Variants in LMO1 observed in about 807,000 individuals in gnomAD.
LMO1 encodes LIM domain only 1, also known as rhombotin-1.
LMO1 carries 10 observed loss-of-function variants against 18.0 expected under a neutral mutation model. That is an observed-to-expected ratio of 0.55 (90% CI 0.34 to 0.94). The LOEUF is 0.94. Among genes scored for constraint, LMO1 ranks in the 40% least tolerant of loss-of-function variants. The pLI, the probability that LMO1 is intolerant of heterozygous loss-of-function variation, is 0.02. For synonymous variants in LMO1, 77 were observed against 77.9 expected, an observed-to-expected ratio of 0.99 and a Z score of 0.06; for missense variants, 183 against 205.7, an observed-to-expected ratio of 0.89 and a Z score of 0.68.
At chr11:8,248,814 G>A (rs1044076541) in intron 1 of LMO1, among the ~76,000 whole-genome samples, 4 of 152,198 alleles carry the variant, frequency 2.6e-5, no homozygotes, top group African/African-American at 9.7e-5. Context: ...GTCTAGACTT[G>A]CTGCCTCCCA....
chr11:8,240,552 C>T (rs948061465), intron 1 of LMO1, among the ~76,000 whole-genome samples: 17 of 152,154 alleles, frequency 1.1e-4, no homozygotes, highest in Admixed American at 8.5e-4. Flanking sequence ...CTGGGAAATC[C>T]GAGAGCAAGG....
chr11:8,240,056 G>A (rs1054767802), intron 1 of LMO1, among the ~76,000 whole-genome samples: 10 of 152,200 alleles, frequency 6.6e-5, no homozygotes, highest in African/African-American at 2.2e-4. Flanking sequence ...CCTGCCTGCT[G>A]TGTCCCAGGG....
chr11:8,241,369 C>G (rs76537973), intron 1 of LMO1, among the ~76,000 whole-genome samples: 2 of 152,364 alleles, frequency 1.3e-5, no homozygotes, highest in South Asian at 2.1e-4. Context: ...ATTCTTCACA[C>G]GGCAGCTGGA....
Position 8,224,686 on chromosome 11 carries a change from T to C in LMO1, c.401A>G (p.Asn134Ser), listed in dbSNP as rs201019556. 262 of 1,609,322 alleles carry C rather than the reference T, an allele frequency of 1.6e-4. No individual in the cohort carries two copies. Among genetic ancestry groups the C allele is most frequent in the Non-Finnish European group, 2.1e-4 (243 of 1,177,784 alleles). Residue 134 changes from asparagine (N) to serine (S), a missense_variant, in exon 4 of 4, where the codon AAC becomes AGC. By Grantham distance (46) the Asn-to-Ser change is conservative (BLOSUM62 1). Transcript: ENST00000335790. ...CVGDKFFLKN[N>S]MILCQMDYEE... is the part of the protein sequence containing the mutation. ...ATAGTCCATCTGACACAAGATCATG[T>C]TGTTCTTCAGGAAGAATTTGTCTCC...
At chr11:8,257,777 C>A (rs976920006) in intron 1 of LMO1, among the ~76,000 whole-genome samples, 1 of 152,240 alleles carries the variant, frequency 6.6e-6, no homozygotes, top group Non-Finnish European at 1.5e-5. Context: ...GCCTGCCTCC[C>A]AGGCAGCAAT....
At chr11:8,240,697 A>G (rs779039531) in intron 1 of LMO1, among the ~76,000 whole-genome samples, 1 of 152,072 alleles carries the variant, frequency 6.6e-6, no homozygotes, top group Non-Finnish European at 1.5e-5. Flanking sequence ...AATCCCATTC[A>G]TGAGGGTTCT....
rs1233700700 is a variant in LMO1, at chr11:8,261,394, GCTCAT to G, written c.25+1939_25+1943del. Among the ~76,000 whole-genome samples, 4 of 152,288 alleles carry G rather than the reference GCTCAT, an allele frequency of 2.6e-5. No homozygotes were observed. In the South Asian group the frequency reaches 8.3e-4, roughly 32 times the overall value. On this transcript the variant is annotated intron_variant, in intron 1 of 3. Transcript: ENST00000335790. ...CTCCAGAAATCCATTCTCACTCAAG[GCTCAT>G]CTGAAACCCTTTGTATTATCTCAGA...
chr11:8,263,318 G>A lies in LMO1; in HGVS notation c.25+20C>T. On this transcript the variant is annotated intron_variant, in intron 1 of 3. Coordinates refer to ENST00000335790, the MANE Select transcript of LMO1 (RefSeq NM_002315.3). ...GGGGCGAGGGGGTGAGGGGCGTCGAGACCCCGGCCCGCCACCTACCGTCCT... is the reference window on the plus strand; with the variant it reads ...GGGGCGAGGGGGTGAGGGGCGTCGAAACCCCGGCCCGCCACCTACCGTCCT... 6.3e-7 allele frequency: 1 copy of A among 1,596,680 alleles called. No individual in the cohort carries two copies. The highest frequency in any genetic ancestry group is 8.5e-7 in the Non-Finnish European group (1 of 1,176,828).
intron 3 of LMO1, among the ~76,000 whole-genome samples, chr11:8,226,259 C>A (rs1952539188): frequency 6.6e-6 from 1 of 152,154 alleles, no homozygotes; most frequent in Non-Finnish European, 1.5e-5. Context: ...ATCTGGGAGG[C>A]TGAGGTGGGC....
At chr11:8,244,213 G>T (rs1228379296) in intron 1 of LMO1, among the ~76,000 whole-genome samples, 1 of 152,210 alleles carries the variant, frequency 6.6e-6, no homozygotes, top group African/African-American at 2.4e-5. Flanking sequence ...AGGAGAGGAG[G>T]CAGGGACTCC....
intron 1 of LMO1, among the ~76,000 whole-genome samples, chr11:8,232,472 T>C (rs774195472): frequency 2.0e-5 from 3 of 152,024 alleles, no homozygotes; most frequent in Non-Finnish European, 2.9e-5. Flanking sequence ...TTAAAATAGC[T>C]GGATGGGGAA....
At chr11:8,257,799 A>G (rs1261215487) in intron 1 of LMO1, among the ~76,000 whole-genome samples, 1 of 152,262 alleles carries the variant, frequency 6.6e-6, no homozygotes, top group Non-Finnish European at 1.5e-5. Context: ...ATTAAGGACC[A>G]TGATAAATAA....
chr11:8,249,624 G>A (rs192140155), intron 1 of LMO1, among the ~76,000 whole-genome samples: 4 of 152,268 alleles, frequency 2.6e-5, no homozygotes, highest in Admixed American at 6.5e-5. Context: ...CCCCAAGGAT[G>A]TGGAGAAACT....
chr11:8,240,792 G>A (rs1846774731), intron 1 of LMO1, among the ~76,000 whole-genome samples: 2 of 152,048 alleles, frequency 1.3e-5, no homozygotes, highest in South Asian at 4.2e-4. Flanking sequence ...AAGAATTTTG[G>A]GAAGACACAA....
chr11:8,268,479 G>T, upstream of LMO1: 1 of 1,394,916 alleles, frequency 7.2e-7, no homozygotes, highest in Non-Finnish European at 9.3e-7. Flanking sequence ...GACTAGCGCC[G>T]AGGATACGGA....
At chr11:8,226,182 C>T (rs1307953375) in intron 3 of LMO1, among the ~76,000 whole-genome samples, 3 of 152,222 alleles carry the variant, frequency 2.0e-5, no homozygotes, top group East Asian at 3.9e-4. Context: ...TACGTTATCC[C>T]ATGCACATGC....
intron 1 of LMO1, among the ~76,000 whole-genome samples, chr11:8,263,092 G>A (rs1847215330): frequency 6.6e-6 from 1 of 151,650 alleles, no homozygotes; most frequent in Non-Finnish European, 1.5e-5. Flanking sequence ...GCTCGCGGCC[G>A]GGACCCGGGG....
chr11:8,263,149 C>T (rs1050618962), intron 1 of LMO1, among the ~76,000 whole-genome samples, 189 bp downstream of exon 1: 6 of 151,614 alleles, frequency 4.0e-5, no homozygotes, highest in South Asian at 2.1e-4. Flanking sequence ...ACCTCCTCCC[C>T]CCGCAAGTTC....
chr11:8,225,452 G>C (rs934774350), intron 3 of LMO1, among the ~76,000 whole-genome samples: 7 of 142,478 alleles, frequency 4.9e-5, no homozygotes, highest in Non-Finnish European at 9.2e-5. Context: ...GGGTAAGGAA[G>C]GAGGGATAAA....
Sources: allele counts gnomAD v4.1 joint callset (sites outside exome capture counted in the v4.1 genomes callset), GRCh38; gene constraint gnomAD v4.1.1; transcripts MANE v1.5; gene names NCBI Gene and HGNC (gene_info 2026-07-23, HGNC 2026-07-21).